The following CCDC38 variants were observed in gnomAD, a reference collection of about 807,000 sequenced individuals.
The protein encoded by CCDC38 is coiled-coil domain-containing protein 38.
In CCDC38, 69 loss-of-function variants were observed where a neutral mutation model predicts 72.8. That is an observed-to-expected ratio of 0.95 (90% CI 0.78 to 1.16). The LOEUF is 1.16. Among genes scored for constraint, CCDC38 ranks in the 50% most tolerant of loss-of-function variants. CCDC38 has a pLI of 0.00. For missense variants in CCDC38, 626 were observed against 638.9 expected, an observed-to-expected ratio of 0.98 and a Z score of 0.22; for synonymous variants, 201 against 213.2, an observed-to-expected ratio of 0.94 and a Z score of 0.50.
Position 95,878,245 on chromosome 12 carries a change from A to G in CCDC38, c.1244T>C (p.Leu415Pro), listed in dbSNP as rs1277707801. 6.2e-7 allele frequency: 1 copy of G among 1,613,522 alleles called. No individual in the cohort carries two copies. The highest frequency in any genetic ancestry group is 8.5e-7 in the Non-Finnish European group (1 of 1,179,752). ...KAAELQLKSKLFSFGEFNSDA... is the reference protein window; with the variant it reads ...KAAELQLKSKPFSFGEFNSDA... ...TGAATTAAATTCTCCAAAGCTAAAG[A>G]GCTTGGACTTTAATTGCAATTCTGC... Residue 415 changes from leucine (L) to proline (P), a missense_variant, in exon 13 of 16, where the codon CTC becomes CCC. By Grantham distance (98) the Leu-to-Pro change is moderately conservative (BLOSUM62 -3). Coordinates refer to ENST00000344280, the MANE Select transcript of CCDC38 (RefSeq NM_182496.3).
At chr12:95,922,798 G>A (rs1203284679) in intron 2 of CCDC38, among the ~76,000 whole-genome samples, 1 of 152,078 alleles carries the variant, frequency 6.6e-6, no homozygotes, top group Non-Finnish European at 1.5e-5. Flanking sequence ...AAAGCCAACA[G>A]GCTGAAGACC....
intron 13 of CCDC38, among the ~76,000 whole-genome samples, chr12:95,876,910 GTTAAATA>G (rs1215229302): frequency 7.9e-5 from 12 of 152,178 alleles, no homozygotes; most frequent in Non-Finnish European, 1.5e-4. Flanking sequence ...GAGTGGTTAA[GTTAAATA>G]TTAAAAGCCA....
rs371685049 is a variant in CCDC38 at position 95,891,616 on chromosome 12, G to A, written c.773-686C>T. On this transcript the variant is annotated intron_variant, in intron 8 of 15. Transcript: ENST00000344280. ...GCCTGCCTTGGCCTCCCAAATTGTT[G>A]GGATTACAAGATGGAGCCACCGCAC... is the stretch of plus-strand genomic sequence containing the variant. 4.5e-4 allele frequency among the ~76,000 whole-genome samples: 68 copies of A among 152,024 alleles called. 1 individual carries two copies. Among genetic ancestry groups the A allele is most frequent in the African/African-American group, 1.6e-3 (65 of 41,376 alleles).
chr12:95,906,628 A>G (rs543535143), intron 4 of CCDC38, among the ~76,000 whole-genome samples, 177 bp from the exon 5 acceptor site: 1 of 152,290 alleles, frequency 6.6e-6, no homozygotes, highest in Admixed American at 6.5e-5. Context: ...AGTAATTACA[A>G]TTTATTTTAT....
rs138096831 is a variant in CCDC38, at chr12:95,878,308, A to T, written c.1181T>A (p.Met394Lys). 6.2e-7 allele frequency: 1 copy of T among 1,613,432 alleles called. No homozygotes were observed. The highest frequency in any genetic ancestry group is 1.7e-5 in the Admixed American group (1 of 59,982). ...NIEFLLEQEK[M>K]LKANCVREEE... ...TTCTCTCACACAGTTAGCTTTAAGCATTTTTTCTTGCTCCAAAAGAAACTC... is the reference window on the plus strand; with the variant it reads ...TTCTCTCACACAGTTAGCTTTAAGCTTTTTTTCTTGCTCCAAAAGAAACTC... The change falls in exon 13 of 16, where the codon ATG becomes AAG. Residue 394 changes from methionine to lysine, a missense_variant. Met to Lys is a moderately conservative substitution (Grantham distance 95). Coordinates refer to ENST00000344280, the MANE Select transcript of CCDC38 (RefSeq NM_182496.3).
intron 4 of CCDC38, among the ~76,000 whole-genome samples, chr12:95,911,080 G>A (rs1356578505): frequency 6.6e-6 from 1 of 152,112 alleles, no homozygotes; most frequent in African/African-American, 2.4e-5. Context: ...GAGAAATAAA[G>A]CTGCACACAT....
At chr12:95,892,309 G>C (rs2079837321) in intron 8 of CCDC38, among the ~76,000 whole-genome samples, 1 of 118,568 alleles carries the variant, frequency 8.4e-6, no homozygotes, top group Non-Finnish European at 1.6e-5. Context: ...TTTGGAGACA[G>C]GGTCTCGTTC....
At chr12:95,903,810 A>C (rs2079974565) in intron 5 of CCDC38, 2 of 206,984 alleles carry the variant, frequency 9.7e-6, no homozygotes, top group South Asian at 2.6e-4. Context: ...GAATGTTTGC[A>C]TATTTGCTTA....
At chr12:95,914,754 A>G (rs12312196) in intron 4 of CCDC38, among the ~76,000 whole-genome samples, 7,789 of 152,174 alleles carry the variant, frequency 0.051, 644 homozygotes, top group African/African-American at 0.18. Context: ...TTTTAAATCT[A>G]TAATAGCCAC....
intron 2 of CCDC38, among the ~76,000 whole-genome samples, chr12:95,923,542 T>A (rs7952785): frequency 0.23 from 14,121 of 61,482 alleles, 1,164 homozygotes; most frequent in East Asian, 0.64. Context: ...CTTTTTTTTT[T>A]TAATTTATTA....
chr12:95,899,692 G>A (rs983482487), intron 5 of CCDC38, among the ~76,000 whole-genome samples: 1 of 152,178 alleles, frequency 6.6e-6, no homozygotes, highest in Non-Finnish European at 1.5e-5. Context: ...GAAATGAGAT[G>A]ATTTTAAAGA....
At chr12:95,927,628 T>C (rs2080287149) in intron 2 of CCDC38, among the ~76,000 whole-genome samples, 1 of 152,224 alleles carries the variant, frequency 6.6e-6, no homozygotes, top group Non-Finnish European at 1.5e-5. Flanking sequence ...AGTTTCTTCC[T>C]AGTCTTGATG....
chr12:95,934,042 A>G (rs1465986421), intron 2 of CCDC38: 2 of 152,108 alleles, frequency 1.3e-5, no homozygotes, highest in African/African-American at 2.4e-5. Context: ...TAAAATAAAT[A>G]TATATGTATG....
chr12:95,895,428 A>G (rs66864281), intron 7 of CCDC38, among the ~76,000 whole-genome samples: 15,722 of 152,060 alleles, frequency 0.1, 1,393 homozygotes, highest in African/African-American at 0.25. Context: ...GAAACACTGT[A>G]TTAAGTTTTA....
chr12:95,871,713 C>T (rs2079582558), intron 14 of CCDC38, among the ~76,000 whole-genome samples: 1 of 50,338 alleles, frequency 2.0e-5, no homozygotes, highest in Non-Finnish European at 4.5e-5. Context: ...GGCAGTTATA[C>T]ACTGCGGAAA....
At chr12:95,899,258 A>AT (rs1321049397) in intron 5 of CCDC38, among the ~76,000 whole-genome samples, 2 of 152,068 alleles carry the variant, frequency 1.3e-5, no homozygotes, top group South Asian at 2.1e-4. Context: ...AGTTCCTTCT[A>AT]TTTTTTTAGT....
intron 2 of CCDC38, chr12:95,933,807 G>A (rs2080362519): frequency 6.6e-6 from 1 of 152,040 alleles, no homozygotes. Context: ...GTAAACTATG[G>A]TACATTTGCA....
chr12:95,876,270 TG>T (rs748332449), intron 13 of CCDC38, among the ~76,000 whole-genome samples: 6 of 152,090 alleles, frequency 3.9e-5, no homozygotes, highest in Non-Finnish European at 8.8e-5. Context: ...CGAAGTAAAA[TG>T]GTGGTTGCCA....
intron 1 of CCDC38, among the ~76,000 whole-genome samples, chr12:95,942,004 G>T (rs10745740): frequency 0.65 from 98,138 of 151,762 alleles, 32,159 homozygotes; most frequent in East Asian, 0.94. Flanking sequence ...CTAAAGGAGT[G>T]TTTGCTTTCT....
Sources: allele counts gnomAD v4.1 joint callset (sites outside exome capture counted in the v4.1 genomes callset), GRCh38; gene constraint gnomAD v4.1.1; transcripts MANE v1.5; gene names NCBI Gene and HGNC (gene_info 2026-07-23, HGNC 2026-07-21).